Variants in WDR19 observed in about 807,000 individuals in gnomAD.
WDR19 encodes the protein WD repeat-containing protein 19.
Under a neutral mutation model 180.0 loss-of-function variants are expected in WDR19, and 121 were observed. That is an observed-to-expected ratio of 0.67 (90% CI 0.58 to 0.78). The LOEUF (loss-of-function observed/expected upper bound fraction) is 0.78. Ranked by LOEUF, WDR19 falls within the 30% of genes least tolerant of loss-of-function variation. WDR19 has a pLI of 0.00. For synonymous variants in WDR19, 497 were observed against 540.7 expected (o/e 0.92, Z 1.12); for missense variants, 1,450 against 1,640.7 (o/e 0.88, Z 2.01).
chr4:39,191,984 G>A (rs1726206298), intron 4 of WDR19, among the ~76,000 whole-genome samples: 3 of 152,130 alleles, frequency 2.0e-5, no homozygotes, highest in African/African-American at 7.2e-5. Context: ...ATTGTAATTT[G>A]CAAGGGTTTC....
At chr4:39,225,447 G>A (rs2109351178) in intron 15 of WDR19, among the ~76,000 whole-genome samples, 1 of 152,180 alleles carries the variant, frequency 6.6e-6, no homozygotes, top group Non-Finnish European at 1.5e-5. Context: ...ACAAGGAACA[G>A]GTATTTCTGT....
In WDR19 at chr4:39,203,639, T is replaced by C. The variant is rs747603843; in HGVS notation, c.523-3T>C. 102 of 1,610,710 alleles carry C rather than the reference T, an allele frequency of 6.3e-5. No homozygotes were observed. The Middle Eastern group carries it at 8.2e-4, about 13-fold the overall frequency. On this transcript the variant is annotated splice_region_variant and splice_polypyrimidine_tract_variant and intron_variant, in intron 6 of 36. Coordinates refer to ENST00000399820, the MANE Select transcript of WDR19 (RefSeq NM_025132.4). ...CATAGTGATGATGTTTTTACTCCTT[T>C]AGACACAAGTGAGATCAGAGCCTAG...
At chr4:39,216,644 G>T (rs1414912161) in intron 12 of WDR19, among the ~76,000 whole-genome samples, 1 of 152,132 alleles carries the variant, frequency 6.6e-6, no homozygotes, top group Non-Finnish European at 1.5e-5. Context: ...CTTAAACCTA[G>T]TGGGTACTTA....
chr4:39,214,325 T>G (rs964912590), intron 9 of WDR19, among the ~76,000 whole-genome samples: 2 of 152,282 alleles, frequency 1.3e-5, no homozygotes, highest in African/African-American at 4.8e-5. Flanking sequence ...TCCTTATTCC[T>G]GAAGCTATAG....
intron 26 of WDR19, among the ~76,000 whole-genome samples, chr4:39,254,343 G>A (rs1380283466): frequency 6.6e-6 from 1 of 152,172 alleles, no homozygotes; most frequent in Non-Finnish European, 1.5e-5. Context: ...ATTTCAAAAT[G>A]AAGGTGATAG....
chr4:39,283,988 C>T (rs1399549061), intron 36 of WDR19, among the ~76,000 whole-genome samples: 1 of 152,160 alleles, frequency 6.6e-6, no homozygotes, highest in African/African-American at 2.4e-5. Flanking sequence ...TTCTTTCTGG[C>T]TACATTCAAG....
intron 15 of WDR19, among the ~76,000 whole-genome samples, chr4:39,226,661 G>A (rs1443418342): frequency 1.3e-5 from 2 of 152,166 alleles, no homozygotes; most frequent in Non-Finnish European, 2.9e-5. Context: ...TTCTTCATCT[G>A]TAAAACGGGA....
chr4:39,205,943 CT>C, intron 9 of WDR19: 1 of 514,150 alleles, frequency 1.9e-6, no homozygotes, highest in Admixed American at 3.5e-5. Context: ...ATAGGTAGTT[CT>C]GGGTAACATG....
intron 15 of WDR19, among the ~76,000 whole-genome samples, chr4:39,227,219 G>A (rs763878919): frequency 3.3e-5 from 5 of 152,082 alleles, no homozygotes; most frequent in African/African-American, 7.2e-5. Context: ...ACACAGCTTT[G>A]TAGTATGAAT....
chr4:39,263,372 T>C (rs1734486032), intron 28 of WDR19, among the ~76,000 whole-genome samples: 1 of 152,116 alleles, frequency 6.6e-6, no homozygotes, highest in Non-Finnish European at 1.5e-5. Flanking sequence ...ACTACGTCTT[T>C]CTGGACATTT....
At chr4:39,239,258 G>C (rs1731671106) in intron 20 of WDR19, among the ~76,000 whole-genome samples, 1 of 152,060 alleles carries the variant, frequency 6.6e-6, no homozygotes, top group Non-Finnish European at 1.5e-5. Context: ...TTACAGGTGT[G>C]AGCCACCGTG....
chr4:39,197,839 CT>C (rs1420556405), intron 5 of WDR19, among the ~76,000 whole-genome samples: 3 of 152,000 alleles, frequency 2.0e-5, no homozygotes, highest in African/African-American at 7.3e-5. Context: ...TTAGTTGTTA[CT>C]GTTTTTGTTT....
intron 30 of WDR19, among the ~76,000 whole-genome samples, chr4:39,269,166 AGGCCGATCCTGAAG>A (rs1330844569): frequency 7.2e-5 from 11 of 152,166 alleles, no homozygotes; most frequent in Admixed American, 7.2e-4. Context: ...AGGAGCGCAG[AGGCCGATCCTGAAG>A]GGCACAAGTC....
chr4:39,219,795 T>A (rs1226963883), intron 14 of WDR19, among the ~76,000 whole-genome samples: 1 of 152,264 alleles, frequency 6.6e-6, no homozygotes, highest in Admixed American at 6.5e-5. Flanking sequence ...ATTAGCCACA[T>A]GCACATAAAC....
At chr4:39,183,387 C>A (rs539207560) in intron 1 of WDR19, among the ~76,000 whole-genome samples, 59 of 151,064 alleles carry the variant, frequency 3.9e-4, no homozygotes, top group African/African-American at 1.3e-3. Context: ...GTAGCTGGGA[C>A]TACAGGCGCG....
intron 3 of WDR19, 32 bp downstream of exon 3, chr4:39,186,636 T>A: frequency 6.9e-7 from 1 of 1,441,130 alleles, no homozygotes; most frequent in Non-Finnish European, 9.4e-7. Flanking sequence ...AAAAAACCTG[T>A]CAAGTTTTGT....
At chr4:39,266,013 G>C (rs1357508430) in intron 28 of WDR19, 50 bp from the exon 29 acceptor site, 4 of 1,470,116 alleles carry the variant, frequency 2.7e-6, no homozygotes, top group Non-Finnish European at 3.7e-6. Context: ...CTCCACTCTT[G>C]CTCGGTTTAA....
chr4:39,240,427 T>A, intron 21 of WDR19, 93 bp downstream of exon 21: 1 of 703,678 alleles, frequency 1.4e-6, no homozygotes, highest in Non-Finnish European at 2.0e-6. Context: ...GTATTGTATT[T>A]AATATCTAGC....
chr4:39,194,171 G>A (rs1321803250), intron 4 of WDR19, among the ~76,000 whole-genome samples: 1 of 152,006 alleles, frequency 6.6e-6, no homozygotes, highest in Non-Finnish European at 1.5e-5. Flanking sequence ...TATGTTATTG[G>A]GTGCCACTTT....
Sources: allele counts gnomAD v4.1 joint callset (sites outside exome capture counted in the v4.1 genomes callset), GRCh38; gene constraint gnomAD v4.1.1; transcripts MANE v1.5; gene names NCBI Gene and HGNC (gene_info 2026-07-23, HGNC 2026-07-21).